STPG2: variants seen among roughly 807,000 people sequenced by gnomAD.
The protein encoded by STPG2 is sperm-tail PG-rich repeat-containing protein 2.
In STPG2, 56 loss-of-function variants were observed where a neutral mutation model predicts 54.2. That is an observed-to-expected ratio of 1.03 (90% CI 0.83 to 1.29). The LOEUF (loss-of-function observed/expected upper bound fraction) is 1.29, where lower values mean the gene tolerates loss of function less well. STPG2 is among the 50% of genes most tolerant of loss of function. The probability of loss-of-function intolerance (pLI) is 0.00; values close to 1 mark genes in which losing one functional copy is unlikely to be tolerated. For missense variants in STPG2, 596 were observed against 544.9 expected (o/e 1.09, Z -0.93); for synonymous variants, 200 against 181.8 (o/e 1.10, Z -0.81).
chr4:97,777,824 T>TG (rs1210729708), intron 9 of STPG2, among the ~76,000 whole-genome samples: 1 of 152,224 alleles, frequency 6.6e-6, no homozygotes, highest in African/African-American at 2.4e-5. Flanking sequence ...CATAGTGGAT[T>TG]AACCATTCTA....
At chr4:98,079,289 T>A (rs1397014087) in intron 5 of STPG2, among the ~76,000 whole-genome samples, 1 of 152,218 alleles carries the variant, frequency 6.6e-6, no homozygotes, top group Non-Finnish European at 1.5e-5. Context: ...CTGTATAGGA[T>A]GACTTTGCAT....
chr4:97,924,896 A>C (rs1028092708), intron 8 of STPG2, among the ~76,000 whole-genome samples: 1 of 152,192 alleles, frequency 6.6e-6, no homozygotes, highest in African/African-American at 2.4e-5. Context: ...CCAAACAATG[A>C]CTTGTTGATA....
intron 8 of STPG2, among the ~76,000 whole-genome samples, chr4:97,866,124 G>A (rs920956554): frequency 6.6e-6 from 1 of 151,768 alleles, no homozygotes; most frequent in African/African-American, 2.4e-5. Context: ...AGGGAAGGGG[G>A]AATGGTTAGT....
intron 4 of STPG2, among the ~76,000 whole-genome samples, chr4:97,467,104 A>T (rs1729805855): frequency 6.6e-6 from 1 of 152,006 alleles, no homozygotes; most frequent in Non-Finnish European, 1.5e-5. Context: ...GAAAAAGGTC[A>T]CAAGAATTGC....
At chr4:97,533,131 T>A (rs1198114184) in intron 4 of STPG2, among the ~76,000 whole-genome samples, 5 of 152,120 alleles carry the variant, frequency 3.3e-5, no homozygotes. Context: ...TCCCCCCGCC[T>A]CGGCCTCCCA....
At chr4:97,638,740 A>G (rs1171584736) in intron 10 of STPG2, among the ~76,000 whole-genome samples, 4 of 148,722 alleles carry the variant, frequency 2.7e-5, no homozygotes, top group Admixed American at 2.7e-4. Flanking sequence ...AAACACATGA[A>G]AAAATGCTCA....
At chr4:97,498,868 C>G (rs1185874466) in intron 4 of STPG2, among the ~76,000 whole-genome samples, 1 of 151,516 alleles carries the variant, frequency 6.6e-6, no homozygotes, top group Admixed American at 6.6e-5. Context: ...AAGCACAACC[C>G]AAATTATGAA....
At chr4:97,789,898 CT>C (rs1484308645) in intron 9 of STPG2, among the ~76,000 whole-genome samples, 2 of 151,940 alleles carry the variant, frequency 1.3e-5, no homozygotes, top group Non-Finnish European at 2.9e-5. Flanking sequence ...AATTTTCTTT[CT>C]TTTTAGTCTT....
chr4:97,617,356 T>C (rs967691121), intron 10 of STPG2, among the ~76,000 whole-genome samples: 1 of 152,210 alleles, frequency 6.6e-6, no homozygotes, highest in Non-Finnish European at 1.5e-5. Flanking sequence ...AGAAAAATAC[T>C]AGCTCTCAGA....
At chr4:97,578,835 A>G (rs906668263) in intron 10 of STPG2, among the ~76,000 whole-genome samples, 4 of 152,166 alleles carry the variant, frequency 2.6e-5, no homozygotes, top group African/African-American at 9.6e-5. Flanking sequence ...ACCTATATTA[A>G]GCACCTCGTT....
intron 10 of STPG2, among the ~76,000 whole-genome samples, chr4:97,584,944 A>C (rs1560672665): frequency 2.0e-5 from 3 of 151,814 alleles, no homozygotes; most frequent in Non-Finnish European, 4.4e-5. Flanking sequence ...TCAGAGAATA[A>C]TTGGTACCAA....
At chr4:97,508,001 A>C (rs1367808903) in intron 4 of STPG2, among the ~76,000 whole-genome samples, 1 of 151,990 alleles carries the variant, frequency 6.6e-6, no homozygotes, top group Admixed American at 6.6e-5. Context: ...CCTGTGGCCA[A>C]AAGTCCCTAT....
chr4:97,634,169 A>G (rs1357753847), intron 10 of STPG2, among the ~76,000 whole-genome samples: 1 of 152,198 alleles, frequency 6.6e-6, no homozygotes, highest in Non-Finnish European at 1.5e-5. Context: ...TGCCTCCTCA[A>G]GTGGGTCCCT....
chr4:97,950,974 T>C (rs1226147843), intron 7 of STPG2, among the ~76,000 whole-genome samples: 2 of 152,158 alleles, frequency 1.3e-5, no homozygotes, highest in Non-Finnish European at 2.9e-5. Context: ...ATCACTATTG[T>C]AAAACCTAAG....
At chr4:97,465,473 G>T (rs959448874) in intron 4 of STPG2, among the ~76,000 whole-genome samples, 1 of 151,926 alleles carries the variant, frequency 6.6e-6, no homozygotes, top group African/African-American at 2.4e-5. Context: ...ATGCTTTCCA[G>T]GTTTTTCCTT....
intron 8 of STPG2, among the ~76,000 whole-genome samples, chr4:97,863,977 C>A (rs1173914103): frequency 6.6e-6 from 1 of 152,028 alleles, no homozygotes; most frequent in Non-Finnish European, 1.5e-5. Flanking sequence ...TATGACAAAC[C>A]CACAGCCCAT....
At chr4:98,010,837 G>A (rs929655572) in intron 5 of STPG2, among the ~76,000 whole-genome samples, 2 of 152,056 alleles carry the variant, frequency 1.3e-5, no homozygotes, top group African/African-American at 4.8e-5. Context: ...TACATAAAAT[G>A]TCTGAAGTTA....
At chr4:97,663,935 C>T (rs887698626) in intron 10 of STPG2, among the ~76,000 whole-genome samples, 1 of 152,014 alleles carries the variant, frequency 6.6e-6, no homozygotes, top group African/African-American at 2.4e-5. Flanking sequence ...ATATAATGCA[C>T]CCTACATGCA....
intron 9 of STPG2, among the ~76,000 whole-genome samples, chr4:97,747,077 A>C (rs1725440135): frequency 6.6e-6 from 1 of 151,206 alleles, no homozygotes; most frequent in Non-Finnish European, 1.5e-5. Context: ...TCATAGTTAA[A>C]GTAGAGTTAT....
Sources: gnomAD v4.1 joint callset for allele counts (sites outside exome capture counted in the v4.1 genomes callset) on GRCh38, gnomAD v4.1.1 for gene constraint, MANE v1.5 for transcripts, NCBI Gene and HGNC (gene_info 2026-07-23, HGNC 2026-07-21) for gene names.